ERP44: variants seen among roughly 807,000 people sequenced by gnomAD.
ERP44 encodes the protein endoplasmic reticulum resident protein 44.
A neutral mutation model predicts 53.4 loss-of-function variants in ERP44; 25 were observed. The ratio of observed to expected loss-of-function variants is 0.47; its 90% CI spans 0.34 to 0.65. The LOEUF is 0.65. Ranked by LOEUF, ERP44 falls within the 30% of genes least tolerant of loss-of-function variation. The probability of loss-of-function intolerance (pLI) is 0.01; values close to 1 mark genes in which losing one functional copy is unlikely to be tolerated. For missense variants in ERP44, 338 were observed against 493.2 expected, an observed-to-expected ratio of 0.69 and a Z score of 2.98; for synonymous variants, 145 against 161.2, an observed-to-expected ratio of 0.90 and a Z score of 0.76.
At chr9:100,051,361 A>AGTAAAAT (rs1204618460) in intron 4 of ERP44, among the ~76,000 whole-genome samples, 4 of 152,226 alleles carry the variant, frequency 2.6e-5, no homozygotes, top group Admixed American at 2.0e-4. Flanking sequence ...TTTCCTCATC[A>AGTAAAAT]GTAAAATGAA....
chr9:100,082,657 C>T (rs1826439330), intron 1 of ERP44, among the ~76,000 whole-genome samples: 1 of 151,866 alleles, frequency 6.6e-6, no homozygotes, highest in Non-Finnish European at 1.5e-5. Flanking sequence ...AAAATTGGTC[C>T]TCCACATCCT....
chr9:100,093,535 T>C (rs1826586393), intron 1 of ERP44, among the ~76,000 whole-genome samples: 1 of 152,120 alleles, frequency 6.6e-6, no homozygotes, highest in Admixed American at 6.5e-5. Context: ...TCCCAGCTAC[T>C]TGGGAGGCTA....
At chr9:99,996,910 T>C (rs570074932) in intron 10 of ERP44, among the ~76,000 whole-genome samples, 3 of 18,382 alleles carry the variant, frequency 1.6e-4, no homozygotes, top group Non-Finnish European at 2.4e-4. Context: ...TATATATACA[T>C]ATATATATAT....
intron 1 of ERP44, among the ~76,000 whole-genome samples, chr9:100,083,381 T>C (rs1472702462): frequency 6.6e-6 from 1 of 151,934 alleles, no homozygotes; most frequent in Admixed American, 6.6e-5. Context: ...AAATACATTA[T>C]TAAAGGAAAA....
intron 1 of ERP44, among the ~76,000 whole-genome samples, chr9:100,078,862 T>C (rs1826388371): frequency 6.6e-6 from 1 of 152,214 alleles, no homozygotes; most frequent in East Asian, 1.9e-4. Flanking sequence ...GTTAACTTTA[T>C]GTAGTAGTAT....
intron 10 of ERP44, among the ~76,000 whole-genome samples, chr9:99,991,492 G>A (rs192082884): frequency 6.6e-6 from 1 of 152,166 alleles, no homozygotes; most frequent in Non-Finnish European, 1.5e-5. Context: ...GTGTACCAGG[G>A]TCTCTGGGAA....
At chr9:100,023,166 A>G (rs1458519769) in intron 4 of ERP44, among the ~76,000 whole-genome samples, 1 of 152,064 alleles carries the variant, frequency 6.6e-6, no homozygotes, top group Non-Finnish European at 1.5e-5. Flanking sequence ...TCCCTTTTCA[A>G]CCTGATAAAT....
intron 4 of ERP44, among the ~76,000 whole-genome samples, chr9:100,024,859 T>C (rs539961751): frequency 1.3e-5 from 2 of 152,214 alleles, no homozygotes; most frequent in African/African-American, 4.8e-5. Flanking sequence ...CTCCTTCCAC[T>C]GATAGCTATT....
At chr9:100,016,632 G>A in intron 7 of ERP44, among the ~76,000 whole-genome samples, 194 bp from the exon 8 acceptor site, 1 of 152,118 alleles carries the variant, frequency 6.6e-6, no homozygotes, top group Non-Finnish European at 1.5e-5. Context: ...CTCCAGAGTA[G>A]CTGGGACTAC....
chr9:100,092,871 T>A lies in ERP44; in HGVS notation c.57+5913A>T, dbSNP rs185680622. On this transcript the variant is annotated intron_variant, in intron 1 of 11. Transcript: ENST00000262455. ...CACTACTGATGAGAGTGTGAGGAAG[T>A]GGGCATAGTCACACACTGTTAGGAA... Among the ~76,000 whole-genome samples the A allele has an allele frequency of 3.3e-5, 5 of 152,322 alleles. No homozygotes were observed. In the East Asian group the frequency reaches 5.8e-4, roughly 18 times the overall value.
intron 10 of ERP44, among the ~76,000 whole-genome samples, chr9:100,003,666 A>G (rs1405472330): frequency 6.6e-6 from 1 of 151,520 alleles, no homozygotes; most frequent in Admixed American, 6.6e-5. Flanking sequence ...GCCTGCATCT[A>G]AGAGGGTGGG....
chr9:100,021,598 C>A (rs982643731), intron 5 of ERP44, among the ~76,000 whole-genome samples: 1 of 152,140 alleles, frequency 6.6e-6, no homozygotes, highest in Non-Finnish European at 1.5e-5. Flanking sequence ...ATCTTTAAAA[C>A]ACTACCTAGT....
chr9:100,071,445 C>T (rs994241525), intron 1 of ERP44, among the ~76,000 whole-genome samples: 1 of 152,066 alleles, frequency 6.6e-6, no homozygotes, highest in Non-Finnish European at 1.5e-5. Flanking sequence ...TTCAGTGAAA[C>T]CTTGGCTTAC....
chr9:100,095,925 T>G (rs892167292), intron 1 of ERP44, among the ~76,000 whole-genome samples: 1 of 152,214 alleles, frequency 6.6e-6, no homozygotes, highest in African/African-American at 2.4e-5. Context: ...AAATGTTTAC[T>G]TAGCTCTCAA....
intron 1 of ERP44, among the ~76,000 whole-genome samples, chr9:100,071,604 A>G (rs1021327319): frequency 2.0e-5 from 3 of 152,268 alleles, no homozygotes; most frequent in Admixed American, 2.0e-4. Flanking sequence ...CCAAAGTATT[A>G]ATCCACTACT....
chr9:99,997,897 A>T (rs1287606759), intron 10 of ERP44, among the ~76,000 whole-genome samples: 1 of 151,998 alleles, frequency 6.6e-6, no homozygotes, highest in Non-Finnish European at 1.5e-5. Flanking sequence ...GAGAAGCACA[A>T]GCGACTGACA....
At chr9:100,000,431 G>GTA (rs1830363725) in intron 10 of ERP44, among the ~76,000 whole-genome samples, 1 of 87,608 alleles carries the variant, frequency 1.1e-5, no homozygotes, top group South Asian at 4.4e-4. Flanking sequence ...GCAAGATCCT[G>GTA]TATCAAAAAA....
chr9:100,089,538 G>A (rs950124505), intron 1 of ERP44, among the ~76,000 whole-genome samples: 5 of 129,966 alleles, frequency 3.8e-5, no homozygotes, highest in Non-Finnish European at 6.1e-5. Flanking sequence ...CCAATATCAC[G>A]CCACCGCACT....
chr9:100,042,004 T>C (rs1016801807), intron 4 of ERP44, among the ~76,000 whole-genome samples: 5 of 152,188 alleles, frequency 3.3e-5, no homozygotes, highest in Non-Finnish European at 7.3e-5. Flanking sequence ...GGGCAAAGAC[T>C]TCTTGAGCAA....
Sources: allele counts gnomAD v4.1 joint callset (sites outside exome capture counted in the v4.1 genomes callset), GRCh38; gene constraint gnomAD v4.1.1; transcripts MANE v1.5; gene names NCBI Gene and HGNC (gene_info 2026-07-23, HGNC 2026-07-21).